The following KCTD20 variants were observed in gnomAD, a reference collection of about 807,000 sequenced individuals.
KCTD20 encodes BTB/POZ domain-containing protein KCTD20.
In KCTD20, 30 loss-of-function variants were observed where a neutral mutation model predicts 39.6. The ratio of observed to expected loss-of-function variants is 0.76; its 90% CI spans 0.57 to 1.03. KCTD20 has a LOEUF of 1.03. Among genes scored for constraint, KCTD20 ranks in the 50% least tolerant of loss-of-function variants. The pLI is 0.00. For missense variants in KCTD20, 422 were observed against 522.0 expected (o/e 0.81, Z 1.87); for synonymous variants, 162 against 180.6 (o/e 0.90, Z 0.83).
intron 1 of KCTD20, among the ~76,000 whole-genome samples, chr6:36,462,099 T>C (rs1775618755): frequency 6.6e-6 from 1 of 152,180 alleles, no homozygotes. Flanking sequence ...CTTCACCAAC[T>C]CTCTTTTGGG....
chr6:36,472,558 G>A (rs946457551), intron 2 of KCTD20, among the ~76,000 whole-genome samples: 2 of 151,624 alleles, frequency 1.3e-5, no homozygotes, highest in Non-Finnish European at 2.9e-5. Context: ...TTTCAAAAAG[G>A]GCTTGAAGAA....
intron 6 of KCTD20, among the ~76,000 whole-genome samples, chr6:36,484,102 AT>A (rs1374148771): frequency 7.3e-5 from 11 of 151,516 alleles, no homozygotes; most frequent in African/African-American, 2.4e-4. Flanking sequence ...ACTATGCCTA[AT>A]TTTTCTATTT....
intron 1 of KCTD20, among the ~76,000 whole-genome samples, chr6:36,464,791 T>G (rs1176621077): frequency 6.6e-6 from 1 of 152,194 alleles, no homozygotes; most frequent in African/African-American, 2.4e-5. Flanking sequence ...AAGAACAGAC[T>G]GGAAGGGCTA....
rs572163641 is a variant in KCTD20, at chr6:36,482,644, T to C, written c.856+885T>C. 5.6e-3 allele frequency among the ~76,000 whole-genome samples: 796 copies of C among 142,396 alleles called. 9 individuals are homozygous for C. Among genetic ancestry groups the C allele is most frequent in the African/African-American group, 0.019 (733 of 39,190 alleles). 93.4% of individuals were successfully genotyped at this position (142,396 alleles called of 152,430 possible). A position where few individuals can be genotyped will look rare whatever the true frequency, so the allele number is the denominator to read the frequency against. On this transcript the variant is annotated intron_variant, in intron 6 of 7. Transcript: ENST00000373731. ...TGCCATAATTGACTTAACCAGCCAT[T>C]ATTGGACGTTTAAACTATTGGCCAG...
At chr6:36,455,629 A>T (rs912190502) in intron 1 of KCTD20, among the ~76,000 whole-genome samples, 2 of 151,680 alleles carry the variant, frequency 1.3e-5, no homozygotes, top group Non-Finnish European at 2.9e-5. Context: ...GTTCACACAC[A>T]TACATATTAG....
chr6:36,448,089 C>T (rs1157049322), intron 1 of KCTD20, among the ~76,000 whole-genome samples: 7 of 148,264 alleles, frequency 4.7e-5, no homozygotes, highest in African/African-American at 7.6e-5. Flanking sequence ...TTTATCTCTG[C>T]CCTTACTAAA....
intron 1 of KCTD20, among the ~76,000 whole-genome samples, chr6:36,446,182 A>G (rs904645913): frequency 6.6e-6 from 1 of 151,922 alleles, no homozygotes; most frequent in Admixed American, 6.6e-5. Context: ...GCCCGCTACC[A>G]TGCCCGGCTA....
chr6:36,471,949 C>T (rs540040371), intron 2 of KCTD20, among the ~76,000 whole-genome samples: 14 of 151,762 alleles, frequency 9.2e-5, no homozygotes, highest in Non-Finnish European at 1.6e-4. Context: ...CCCGGGTTCA[C>T]GCTATTCTCC....
intron 1 of KCTD20, among the ~76,000 whole-genome samples, chr6:36,462,883 C>A (rs1775642223): frequency 6.6e-6 from 1 of 152,194 alleles, no homozygotes; most frequent in South Asian, 2.1e-4. Flanking sequence ...ACATTTTGAA[C>A]ATGACACCTT....
chr6:36,466,616 A>T (rs1294469298), intron 1 of KCTD20, among the ~76,000 whole-genome samples: 1 of 152,090 alleles, frequency 6.6e-6, no homozygotes, highest in East Asian at 1.9e-4. Context: ...TCTCAGGCTC[A>T]AGAGATCCTC....
chr6:36,470,866 T>A (rs1437019616), intron 2 of KCTD20, among the ~76,000 whole-genome samples: 1 of 152,210 alleles, frequency 6.6e-6, no homozygotes, highest in Non-Finnish European at 1.5e-5. Flanking sequence ...ATATTCTTCC[T>A]AGGCCCGGCA....
Position 36,480,410 on chromosome 6 carries a change from CTTTTT to C in KCTD20, c.658+718_658+722del, listed in dbSNP as rs550520667. Among the ~76,000 whole-genome samples, 662 of 121,762 alleles carry C rather than the reference CTTTTT, an allele frequency of 5.4e-3. 3 individuals are homozygous for C. The highest frequency in any genetic ancestry group is 0.02 in the African/African-American group (614 of 31,356). The allele number at this position is 121,762 out of a possible 152,430, so 79.9% of individuals were successfully genotyped here. A position where few individuals can be genotyped will look rare whatever the true frequency, so the allele number is the denominator to read the frequency against. On this transcript the variant is annotated intron_variant, in intron 5 of 7. Transcript: ENST00000373731. ...CAGGTTCTCCTGATCATGATATTGC[CTTTTT>C]TTTTTTTTTTTTTTTTTTAATTTGA...
chr6:36,445,847 A>G (rs1329100265), intron 1 of KCTD20, among the ~76,000 whole-genome samples: 1 of 152,134 alleles, frequency 6.6e-6, no homozygotes, highest in African/African-American at 2.4e-5. Flanking sequence ...CTACAAAAGC[A>G]ATATTATCTT....
intron 1 of KCTD20, among the ~76,000 whole-genome samples, chr6:36,453,883 T>C (rs768657824): frequency 4.6e-5 from 7 of 152,230 alleles, no homozygotes; most frequent in Non-Finnish European, 1.0e-4. Flanking sequence ...TTCGCATATG[T>C]TGTATTCATT....
chr6:36,480,235 ATAG>A (rs1413590396), intron 5 of KCTD20, among the ~76,000 whole-genome samples: 2 of 152,202 alleles, frequency 1.3e-5, no homozygotes, highest in East Asian at 3.9e-4. Flanking sequence ...AGGAAAACAG[ATAG>A]TAGTTTCTAA....
Position 36,487,300 on chromosome 6 carries a change from G to A in KCTD20, c.*125G>A. On this transcript the variant is annotated 3_prime_UTR_variant, in exon 8 of 8. Transcript: ENST00000373731. ...CTTCTCCCCTAACCTTTTCCTTTCT[G>A]CCATAATTAACATATGTCCTTTTCA... The A allele has an allele frequency of 3.1e-6, 3 of 973,082 alleles. No individual in the cohort carries two copies. Among genetic ancestry groups the A allele is most frequent in the Non-Finnish European group, 4.6e-6 (3 of 647,462 alleles). 60.3% of individuals were successfully genotyped at this position (973,082 alleles called of 1,614,324 possible). A position where few individuals can be genotyped will look rare whatever the true frequency, so the allele number is the denominator to read the frequency against.
At chr6:36,479,565 A>AT (rs1365172404) in intron 4 of KCTD20, 26 bp from the exon 5 acceptor site, 17 of 1,591,844 alleles carry the variant, frequency 1.1e-5, no homozygotes, top group African/African-American at 1.3e-5. Flanking sequence ...CTCTGCCTAC[A>AT]TTTTTTCTTC....
At chr6:36,478,574 T>G (rs147828036) in intron 3 of KCTD20, among the ~76,000 whole-genome samples, 19 of 152,236 alleles carry the variant, frequency 1.2e-4, no homozygotes, top group Middle Eastern at 6.8e-3. Flanking sequence ...AGCTCGACTA[T>G]TAAGACATAC....
intron 1 of KCTD20, among the ~76,000 whole-genome samples, chr6:36,450,539 C>T (rs1775219952): frequency 6.6e-6 from 1 of 151,966 alleles, no homozygotes; most frequent in Non-Finnish European, 1.5e-5. Context: ...TGCTCGTTTC[C>T]TTCATCACTA....
Sources: gnomAD v4.1 joint callset for allele counts (sites outside exome capture counted in the v4.1 genomes callset) on GRCh38, gnomAD v4.1.1 for gene constraint, MANE v1.5 for transcripts, NCBI Gene and HGNC (gene_info 2026-07-23, HGNC 2026-07-21) for gene names.